SEM1: variants seen among roughly 807,000 people sequenced by gnomAD.
SEM1 encodes the protein 26S proteasome complex subunit SEM1.
A neutral mutation model predicts 12.7 loss-of-function variants in SEM1; 3 were observed. The observed-to-expected ratio is 0.24, with a 90% CI of 0.11 to 0.61. The LOEUF (loss-of-function observed/expected upper bound fraction) is 0.61. Ranked by LOEUF, SEM1 falls within the 20% of genes least tolerant of loss-of-function variation. The probability of loss-of-function intolerance (pLI) is 0.88; values close to 1 mark genes in which losing one functional copy is unlikely to be tolerated. For missense variants in SEM1, 59 were observed against 81.3 expected, an observed-to-expected ratio of 0.73 and a Z score of 1.06; for synonymous variants, 30 against 27.8, an observed-to-expected ratio of 1.08 and a Z score of -0.25.
chr7:96,680,948 C>A (rs564186643), intron 2 of SEM1, among the ~76,000 whole-genome samples: 13 of 152,048 alleles, frequency 8.5e-5, no homozygotes, highest in African/African-American at 3.1e-4. Flanking sequence ...TTTAGGAGGT[C>A]GTGTTGTAGA....
intron 2 of SEM1, among the ~76,000 whole-genome samples, chr7:96,602,170 T>C (rs893698120): frequency 1.3e-5 from 2 of 152,110 alleles, no homozygotes; most frequent in South Asian, 2.1e-4. Flanking sequence ...AGATATAAAT[T>C]TGGGAGCCAT....
At chr7:96,606,548 T>C (rs1454931291) in intron 2 of SEM1, among the ~76,000 whole-genome samples, 3 of 152,102 alleles carry the variant, frequency 2.0e-5, no homozygotes, top group African/African-American at 7.2e-5. Flanking sequence ...ATGGAGGACA[T>C]AGAATGAGAG....
chr7:96,520,922 T>C (rs1045580563), intron 2 of SEM1, among the ~76,000 whole-genome samples: 8 of 152,016 alleles, frequency 5.3e-5, no homozygotes, highest in Non-Finnish European at 1.2e-4. Context: ...TTCTCCTCCA[T>C]GGCTGATTGT....
chr7:96,692,008 C>CT (rs1209802482), intron 2 of SEM1, among the ~76,000 whole-genome samples: 3 of 152,220 alleles, frequency 2.0e-5, no homozygotes, highest in African/African-American at 7.2e-5. Flanking sequence ...AGGCAAAAAA[C>CT]AACAACAGTG....
chr7:96,484,455 G>A (rs532877450), intron 3 of SEM1, among the ~76,000 whole-genome samples: 36 of 152,226 alleles, frequency 2.4e-4, no homozygotes, highest in African/African-American at 8.2e-4. Flanking sequence ...GAAACCATAA[G>A]GTAAAATGCT....
At chr7:96,556,948 C>T (rs972347607) in intron 2 of SEM1, among the ~76,000 whole-genome samples, 90 of 149,716 alleles carry the variant, frequency 6.0e-4, no homozygotes, top group Non-Finnish European at 1.1e-3. Context: ...ATTTCATCTT[C>T]CATTGCTGAT....
At chr7:96,619,317 G>A (rs1807813540), downstream of SEM1, among the ~76,000 whole-genome samples, 1 of 152,142 alleles carries the variant, frequency 6.6e-6, no homozygotes, top group Admixed American at 6.5e-5. Flanking sequence ...TTGGCTTTGG[G>A]TGCCAGCAGT....
chr7:96,502,903 ATT>A (rs969747352), intron 3 of SEM1, among the ~76,000 whole-genome samples: 1 of 152,182 alleles, frequency 6.6e-6, no homozygotes, highest in African/African-American at 2.4e-5. Context: ...TAGGTGATTA[ATT>A]CTGTTTCAGT....
rs74563951 is a variant in SEM1, at chr7:96,703,168, T to C, written c.76+6520A>G. On this transcript the variant is annotated intron_variant, in intron 1 of 2. Coordinates refer to ENST00000248566, the MANE Select transcript of SEM1 (RefSeq NM_006304.2). ...TTTGAATTTTGAAATACTTGCATTA[T>C]ATATTTACAACTGGGCATCCCAAAT... Among the ~76,000 whole-genome samples, 1,375 of 152,352 alleles carry C rather than the reference T, an allele frequency of 9.0e-3. 19 individuals are homozygous for C. The highest frequency in any genetic ancestry group is 0.032 in the East Asian group (167 of 5,182).
chr7:96,490,802 A>C (rs1308949487), intron 1 of SEM1, among the ~76,000 whole-genome samples: 1 of 152,068 alleles, frequency 6.6e-6, no homozygotes, highest in East Asian at 1.9e-4. Flanking sequence ...TCAGGATCAC[A>C]ATCAAAATTG....
chr7:96,602,152 T>C (rs1584798069), intron 2 of SEM1, among the ~76,000 whole-genome samples: 1 of 152,156 alleles, frequency 6.6e-6, no homozygotes, highest in South Asian at 2.1e-4. Context: ...GGAAAGCTTC[T>C]TGGTTGAAGA....
intron 3 of SEM1, chr7:96,503,396 A>G (rs1490781067): frequency 6.6e-6 from 1 of 152,150 alleles, no homozygotes; most frequent in East Asian, 1.9e-4. Context: ...CTGGTTGCCC[A>G]AGTCACCACT....
chr7:96,522,730 C>CT (rs1281137495), intron 2 of SEM1, among the ~76,000 whole-genome samples: 2 of 125,096 alleles, frequency 1.6e-5, no homozygotes, highest in Admixed American at 8.2e-5. Flanking sequence ...ATACCCCCCC[C>CT]CCAAAAAAAA....
downstream of SEM1, among the ~76,000 whole-genome samples, chr7:96,686,068 C>T (rs1380152272): frequency 6.6e-6 from 1 of 152,118 alleles, no homozygotes; most frequent in East Asian, 1.9e-4. Context: ...AATCCTGGGC[C>T]CTTTTACTTC....
downstream of SEM1, among the ~76,000 whole-genome samples, chr7:96,671,796 A>C (rs1789324604): frequency 6.6e-6 from 1 of 152,232 alleles, no homozygotes. Flanking sequence ...AGAATTACTC[A>C]TGTAAAAACT....
chr7:96,620,830 T>A (rs1807870800), downstream of SEM1, among the ~76,000 whole-genome samples: 1 of 152,180 alleles, frequency 6.6e-6, no homozygotes, highest in African/African-American at 2.4e-5. Flanking sequence ...TATGTTATGT[T>A]TTTTTTAGTT....
intron 2 of SEM1, among the ~76,000 whole-genome samples, chr7:96,536,293 C>T (rs988385038): frequency 6.6e-6 from 1 of 151,740 alleles, no homozygotes; most frequent in Non-Finnish European, 1.5e-5. Context: ...TGAGAACATA[C>T]TTTTTATGAT....
intron 2 of SEM1, among the ~76,000 whole-genome samples, chr7:96,675,438 C>T (rs1479698759): frequency 6.6e-6 from 1 of 152,132 alleles, no homozygotes; most frequent in Admixed American, 6.5e-5. Flanking sequence ...CTTAATGTCC[C>T]TATCTTTGGA....
At chr7:96,534,874 C>T (rs1804742527) in intron 2 of SEM1, among the ~76,000 whole-genome samples, 1 of 151,916 alleles carries the variant, frequency 6.6e-6, no homozygotes. Flanking sequence ...TGTATACTTA[C>T]TGCTTTTTAA....
Sources: allele counts gnomAD v4.1 joint callset (sites outside exome capture counted in the v4.1 genomes callset), GRCh38; gene constraint gnomAD v4.1.1; transcripts MANE v1.5; gene names NCBI Gene and HGNC (gene_info 2026-07-23, HGNC 2026-07-21).